The following THSD4 variants were observed in gnomAD, a reference collection of about 807,000 sequenced individuals.
The protein encoded by THSD4 is thrombospondin type 1 domain containing 4.
THSD4 carries 69 observed loss-of-function variants against 119.0 expected under a neutral mutation model. The observed-to-expected ratio is 0.58, with a 90% confidence interval of 0.48 to 0.71. The LOEUF is 0.71. Among genes scored for constraint, THSD4 ranks in the 30% least tolerant of loss-of-function variants. The pLI is 0.00. For missense variants in THSD4, 1,393 were observed against 1,391.1 expected (o/e 1.00, Z -0.02); for synonymous variants, 524 against 540.4 (o/e 0.97, Z 0.42).
At chr15:71,231,041 C>T (rs1435307898) in intron 4 of THSD4, among the ~76,000 whole-genome samples, 2 of 152,186 alleles carry the variant, frequency 1.3e-5, no homozygotes, top group African/African-American at 4.8e-5. Context: ...CACTCACTCA[C>T]TTGTCCGTAT....
chr15:71,290,414 A>T (rs1324117566), intron 6 of THSD4, among the ~76,000 whole-genome samples: 1 of 143,952 alleles, frequency 6.9e-6, no homozygotes, highest in South Asian at 2.2e-4. Flanking sequence ...TTTCATTTGT[A>T]TGTCATTTAG....
chr15:71,756,668 C>T (rs189774057), intron 14 of THSD4, among the ~76,000 whole-genome samples: 2 of 152,308 alleles, frequency 1.3e-5, no homozygotes, highest in Admixed American at 1.3e-4. Context: ...CCTGGAGCTA[C>T]TCAGGAGGCT....
At chr15:71,457,379 C>CAA (rs10708714) in intron 7 of THSD4, among the ~76,000 whole-genome samples, 26 of 50,542 alleles carry the variant, frequency 5.1e-4, no homozygotes, top group South Asian at 1.7e-3. Flanking sequence ...GATCTCGCCT[C>CAA]AAAAAAAAAA....
intron 7 of THSD4, among the ~76,000 whole-genome samples, chr15:71,442,656 G>A (rs7497083): frequency 3.3e-5 from 1 of 30,640 alleles, no homozygotes; most frequent in Non-Finnish European, 7.8e-5. Context: ...GTGTGTGTGT[G>A]TGTGTATATA....
intron 5 of THSD4, among the ~76,000 whole-genome samples, chr15:71,253,817 C>T (rs912352357): frequency 2.6e-5 from 4 of 152,194 alleles, no homozygotes; most frequent in Admixed American, 6.5e-5. Context: ...ACATCACCTT[C>T]CAGAGATAAC....
intron 11 of THSD4, chr15:71,738,213 A>C: frequency 1.6e-6 from 1 of 643,514 alleles, no homozygotes; most frequent in Non-Finnish European, 2.6e-6. Flanking sequence ...TTAGAGTCTC[A>C]TAAGGAGCAT....
intron 3 of THSD4, among the ~76,000 whole-genome samples, chr15:71,199,747 G>GT (rs1429800723): frequency 6.8e-5 from 10 of 147,874 alleles, no homozygotes; most frequent in African/African-American, 1.5e-4. Flanking sequence ...TAGTGTGTGT[G>GT]GGTGTGTGTG....
chr15:71,228,422 A>G (rs1205992332), intron 4 of THSD4, among the ~76,000 whole-genome samples: 3 of 152,028 alleles, frequency 2.0e-5, no homozygotes, highest in African/African-American at 7.2e-5. Flanking sequence ...AGTGATGCTG[A>G]TTTTAAATTT....
chr15:71,173,204 T>C (rs2043400484), intron 3 of THSD4, among the ~76,000 whole-genome samples: 1 of 151,858 alleles, frequency 6.6e-6, no homozygotes, highest in African/African-American at 2.4e-5. Flanking sequence ...CATGCAAAAA[T>C]CAATTGCATT....
chr15:71,581,270 GT>G (rs765656164), intron 7 of THSD4, among the ~76,000 whole-genome samples: 19 of 152,118 alleles, frequency 1.2e-4, no homozygotes, highest in Admixed American at 1.0e-3. Context: ...GTGAGGTGAT[GT>G]TGGATTCTGG....
At chr15:71,501,224 G>A (rs1210672395) in intron 7 of THSD4, among the ~76,000 whole-genome samples, 2 of 152,278 alleles carry the variant, frequency 1.3e-5, no homozygotes, top group Non-Finnish European at 2.9e-5. Context: ...TTTAGAGAAG[G>A]CAGAAAGAGG....
intron 6 of THSD4, among the ~76,000 whole-genome samples, chr15:71,358,362 C>T (rs1280929683): frequency 6.6e-6 from 1 of 152,128 alleles, no homozygotes; most frequent in Non-Finnish European, 1.5e-5. Flanking sequence ...CTGTTAGTAA[C>T]TGTATTTTAA....
At chr15:71,451,602 G>C (rs564921006) in intron 7 of THSD4, among the ~76,000 whole-genome samples, 1 of 152,266 alleles carries the variant, frequency 6.6e-6, no homozygotes, top group Non-Finnish European at 1.5e-5. Context: ...TTAACACTTG[G>C]TAGACAGAGG....
intron 6 of THSD4, among the ~76,000 whole-genome samples, chr15:71,367,234 T>A (rs202140959): frequency 9.8e-5 from 14 of 142,776 alleles, no homozygotes; most frequent in South Asian, 4.4e-4. Flanking sequence ...TTTTTTATTT[T>A]AAAAAAATAT....
At chr15:71,174,430 G>C (rs1353524060) in intron 3 of THSD4, among the ~76,000 whole-genome samples, 11 of 146,324 alleles carry the variant, frequency 7.5e-5, no homozygotes, top group Non-Finnish European at 1.4e-4. Flanking sequence ...TTTTCAGACC[G>C]GCTTAAGAAA....
rs528764266 is a variant in THSD4, at chr15:71,399,868, T to C, written c.1016-11819T>C. ...ATGTACGTTAGAGTTTGAAAGCCAC[T>C]GAATCAGAGTGTTGTGGAAAATTAG... On this transcript the variant is annotated intron_variant, in intron 6 of 17. Transcript: ENST00000261862. Among the ~76,000 whole-genome samples, 494 of 152,288 alleles carry C rather than the reference T, an allele frequency of 3.2e-3. 2 individuals are homozygous for C. Among genetic ancestry groups the C allele is most frequent in the African/African-American group, 0.011 (477 of 41,552 alleles).
rs189206605 is a variant in THSD4, at chr15:71,616,177, A to T, written c.1153-44353A>T. Among the ~76,000 whole-genome samples the T allele has an allele frequency of 2.8e-3, 430 of 152,338 alleles. 3 individuals are homozygous for T. The highest frequency in any genetic ancestry group is 0.02 in the South Asian group (96 of 4,826). Reference sequence around the variant, plus strand: ...CAGTTCCTTAAAAAAAAATCTGTTGAACAGACAGACTTGAATAGCTGATCT... The same window carrying T: ...CAGTTCCTTAAAAAAAAATCTGTTGTACAGACAGACTTGAATAGCTGATCT... On this transcript the variant is annotated intron_variant, in intron 7 of 17. Transcript: ENST00000261862.
At chr15:71,658,390 C>T (rs923432822) in intron 7 of THSD4, among the ~76,000 whole-genome samples, 8 of 152,104 alleles carry the variant, frequency 5.3e-5, no homozygotes, top group Admixed American at 3.3e-4. Flanking sequence ...CTGGACAAGT[C>T]GAGTCCAGGG....
At chr15:71,345,051 A>G (rs1029391376) in intron 6 of THSD4, among the ~76,000 whole-genome samples, 1 of 152,250 alleles carries the variant, frequency 6.6e-6, no homozygotes, top group African/African-American at 2.4e-5. Context: ...GACAAAGTCC[A>G]AAAGGAAACT....
Sources: gnomAD v4.1 joint callset for allele counts (sites outside exome capture counted in the v4.1 genomes callset) on GRCh38, gnomAD v4.1.1 for gene constraint, MANE v1.5 for transcripts, NCBI Gene and HGNC (gene_info 2026-07-23, HGNC 2026-07-21) for gene names.